The following PTPRG variants were observed in gnomAD, a reference collection of about 807,000 sequenced individuals.
PTPRG encodes the protein receptor-type tyrosine-protein phosphatase gamma.
A neutral mutation model predicts 165.3 loss-of-function variants in PTPRG; 102 were observed. That is an observed-to-expected ratio of 0.62 (90% CI 0.53 to 0.73). The LOEUF (loss-of-function observed/expected upper bound fraction) is 0.73. Among genes scored for constraint, PTPRG ranks in the 30% least tolerant of loss-of-function variants. The pLI is 0.00. For missense variants in PTPRG, 1,866 were observed against 1,861.4 expected, an observed-to-expected ratio of 1.00 and a Z score of -0.05; for synonymous variants, 675 against 669.5, an observed-to-expected ratio of 1.01 and a Z score of -0.13.
At chr3:62,023,263 A>G (rs1441289931) in intron 4 of PTPRG, among the ~76,000 whole-genome samples, 1 of 152,216 alleles carries the variant, frequency 6.6e-6, no homozygotes, top group Non-Finnish European at 1.5e-5. Flanking sequence ...CCCACATAAT[A>G]CTAATGAAAA....
At chr3:61,970,281 G>T (rs542975970) in intron 2 of PTPRG, among the ~76,000 whole-genome samples, 32 of 152,238 alleles carry the variant, frequency 2.1e-4, no homozygotes, top group African/African-American at 7.7e-4. Context: ...TCTGACCTCT[G>T]TCTGTGTTTT....
At chr3:61,884,137 T>C (rs2037965277) in intron 2 of PTPRG, among the ~76,000 whole-genome samples, 2 of 152,214 alleles carry the variant, frequency 1.3e-5, no homozygotes, top group Admixed American at 1.3e-4. Context: ...TAAATTGTTT[T>C]GGGAGTTTTA....
chr3:62,182,619 A>G (rs1292321327), intron 8 of PTPRG, among the ~76,000 whole-genome samples: 1 of 152,228 alleles, frequency 6.6e-6, no homozygotes, highest in Non-Finnish European at 1.5e-5. Flanking sequence ...AGGGCCTGAC[A>G]TATGGCCGGT....
chr3:61,953,014 A>G (rs79400121), intron 2 of PTPRG, among the ~76,000 whole-genome samples: 103 of 152,288 alleles, frequency 6.8e-4, no homozygotes, highest in African/African-American at 1.4e-3. Flanking sequence ...GTGGCTTCCA[A>G]TAGGTCTCAG....
At chr3:62,289,750 A>G (rs937411814) in intron 28 of PTPRG, among the ~76,000 whole-genome samples, 1 of 140,062 alleles carries the variant, frequency 7.1e-6, no homozygotes, top group African/African-American at 2.6e-5. Context: ...CATCCTCTTT[A>G]CCTTTATAAT....
intron 2 of PTPRG, among the ~76,000 whole-genome samples, chr3:61,948,517 G>C (rs1340173538): frequency 6.6e-6 from 1 of 152,116 alleles, no homozygotes; most frequent in East Asian, 1.9e-4. Flanking sequence ...CTAGTGTTAT[G>C]GGGGGCGGTC....
chr3:61,705,053 T>G (rs2106721786), intron 1 of PTPRG, among the ~76,000 whole-genome samples: 1 of 152,236 alleles, frequency 6.6e-6, no homozygotes, highest in African/African-American at 2.4e-5. Flanking sequence ...TGAACACAGG[T>G]GCTGGACAGT....
intron 2 of PTPRG, among the ~76,000 whole-genome samples, chr3:61,892,764 C>G (rs924640667): frequency 6.6e-6 from 1 of 150,830 alleles, no homozygotes; most frequent in African/African-American, 2.4e-5. Flanking sequence ...TGCAGTGAGC[C>G]GAGATCGTGT....
chr3:62,025,768 G>T (rs998562949), intron 4 of PTPRG, among the ~76,000 whole-genome samples: 6 of 152,246 alleles, frequency 3.9e-5, no homozygotes, highest in Admixed American at 3.9e-4. Context: ...TGAAAAAATT[G>T]TTTAAGTAGG....
intron 2 of PTPRG, among the ~76,000 whole-genome samples, chr3:61,937,781 C>T (rs1240713287): frequency 6.6e-6 from 1 of 152,206 alleles, no homozygotes; most frequent in Admixed American, 6.5e-5. Context: ...CCACTTCCAC[C>T]TCCCAGCTCC....
At chr3:62,172,603 G>A (rs550615357) in intron 8 of PTPRG, among the ~76,000 whole-genome samples, 4 of 151,990 alleles carry the variant, frequency 2.6e-5, no homozygotes, top group East Asian at 1.9e-4. Context: ...GTAACTCAGC[G>A]CCACTATAGG....
chr3:61,575,912 C>T (rs555543119), intron 1 of PTPRG, among the ~76,000 whole-genome samples: 7 of 152,196 alleles, frequency 4.6e-5, no homozygotes, highest in African/African-American at 1.2e-4. Context: ...CCACTGTGCC[C>T]GGCTGGCACA....
intron 6 of PTPRG, among the ~76,000 whole-genome samples, chr3:62,133,590 C>T (rs1402254204): frequency 1.3e-5 from 2 of 152,130 alleles, no homozygotes; most frequent in South Asian, 2.1e-4. Context: ...TTAATTGTTC[C>T]GTTCTCAAAA....
chr3:62,022,884 T>G (rs1221447187), intron 4 of PTPRG, among the ~76,000 whole-genome samples: 1 of 152,186 alleles, frequency 6.6e-6, no homozygotes, highest in Admixed American at 6.5e-5. Flanking sequence ...AAATTGGTAA[T>G]TGATTTCTTA....
At chr3:61,950,367 C>T (rs567496758) in intron 2 of PTPRG, among the ~76,000 whole-genome samples, 403 of 152,292 alleles carry the variant, frequency 2.6e-3, no homozygotes, top group Non-Finnish European at 4.3e-3. Flanking sequence ...GTGAGAACTT[C>T]TGGGAGTTCC....
intron 2 of PTPRG, among the ~76,000 whole-genome samples, chr3:61,960,596 C>T (rs2040128307): frequency 6.6e-6 from 1 of 152,082 alleles, no homozygotes; most frequent in African/African-American, 2.4e-5. Context: ...GCTTGACAGC[C>T]AACTAGAGTC....
chr3:61,648,570 A>G (rs1443625343), intron 1 of PTPRG, among the ~76,000 whole-genome samples: 1 of 152,186 alleles, frequency 6.6e-6, no homozygotes, highest in African/African-American at 2.4e-5. Flanking sequence ...TGGCAGCTAA[A>G]TGCAGGGTGT....
chr3:62,063,569 A>T (rs1320820910), intron 4 of PTPRG, among the ~76,000 whole-genome samples: 1 of 152,224 alleles, frequency 6.6e-6, no homozygotes, highest in African/African-American at 2.4e-5. Flanking sequence ...GTAGGTGGGA[A>T]ATTATTAGTC....
At chr3:61,588,273 T>C (rs1331698295) in intron 1 of PTPRG, among the ~76,000 whole-genome samples, 31 of 152,272 alleles carry the variant, frequency 2.0e-4, no homozygotes, top group Admixed American at 1.9e-3. Context: ...AGGGAGAAAG[T>C]TTTGAACATA....
Sources: allele counts gnomAD v4.1 joint callset (sites outside exome capture counted in the v4.1 genomes callset), GRCh38; gene constraint gnomAD v4.1.1; transcripts MANE v1.5; gene names NCBI Gene and HGNC (gene_info 2026-07-23, HGNC 2026-07-21).